The following OVCH1 variants were observed in gnomAD, a reference collection of about 807,000 sequenced individuals.
OVCH1 encodes the protein ovochymase 1, also known as ovochymase-1.
OVCH1 carries 139 observed loss-of-function variants against 138.4 expected under a neutral mutation model. That is an observed-to-expected ratio of 1.00 (90% CI 0.87 to 1.16). OVCH1 has a LOEUF of 1.16. Ranked by LOEUF, OVCH1 falls within the 50% of genes most tolerant of loss-of-function variation. OVCH1 has a pLI of 0.00. For missense variants in OVCH1, 1,367 were observed against 1,357.9 expected, an observed-to-expected ratio of 1.01 and a Z score of -0.11; for synonymous variants, 453 against 467.8, an observed-to-expected ratio of 0.97 and a Z score of 0.41.
chr12:29,462,386 T>A (rs1270431730), intron 18 of OVCH1, among the ~76,000 whole-genome samples: 1 of 151,138 alleles, frequency 6.6e-6, no homozygotes, highest in Non-Finnish European at 1.5e-5. Context: ...GGTTATATAT[T>A]TATATACATA....
chr12:29,402,396 T>G, the OVCH1 span, among the ~76,000 whole-genome samples: 130 of 152,242 alleles, frequency 8.5e-4, 1 homozygote, highest in African/African-American at 3.0e-3. Flanking sequence ...TAGTAAATAC[T>G]AGGACATTTA....
chr12:29,482,228 A>G (rs888401383), intron 8 of OVCH1, among the ~76,000 whole-genome samples: 1 of 152,168 alleles, frequency 6.6e-6, no homozygotes, highest in African/African-American at 2.4e-5. Context: ...TCTCTGGTCA[A>G]TTTGCTATTC....
intron 18 of OVCH1, among the ~76,000 whole-genome samples, chr12:29,462,493 C>T (rs542530486): frequency 2.7e-5 from 4 of 150,622 alleles, no homozygotes; most frequent in Non-Finnish European, 5.9e-5. Context: ...GAAGCCTAAT[C>T]GCATCTCCAA....
At chr12:29,454,978 G>C (rs766673134) in intron 20 of OVCH1, 45 bp from the exon 21 acceptor site, 2 of 1,494,742 alleles carry the variant, frequency 1.3e-6, no homozygotes, top group South Asian at 1.2e-5. Context: ...GAAAGCCTGA[G>C]AACAAAATAT....
intron 19 of OVCH1, among the ~76,000 whole-genome samples, chr12:29,459,714 A>T (rs1174230561): frequency 1.3e-5 from 2 of 152,162 alleles, no homozygotes; most frequent in East Asian, 3.8e-4. Flanking sequence ...TATTCCTTGT[A>T]TCCCTGTATC....
exon 5 of OVCH1, chr12:29,491,120 C>T: frequency 1.2e-6 from 2 of 1,613,716 alleles, no homozygotes; most frequent in South Asian, 1.1e-5. Flanking sequence ...GCCCCATCCA[C>T]TGGATAAGCA....
downstream of OVCH1, among the ~76,000 whole-genome samples, chr12:29,409,331 A>C (rs571783558): frequency 6.6e-6 from 1 of 151,924 alleles, no homozygotes; most frequent in East Asian, 1.9e-4. Context: ...ATTTTTAGTT[A>C]TTTCTTGCCT....
At chr12:29,409,984 G>A (rs1940932690), downstream of OVCH1, among the ~76,000 whole-genome samples, 1 of 152,128 alleles carries the variant, frequency 6.6e-6, no homozygotes, top group South Asian at 2.1e-4. Context: ...TTATGAATCT[G>A]GGTGCTCCTG....
At chr12:29,443,905 T>C (rs1411345212) in intron 24 of OVCH1, among the ~76,000 whole-genome samples, 1 of 152,118 alleles carries the variant, frequency 6.6e-6, no homozygotes, top group African/African-American at 2.4e-5. Flanking sequence ...AAGATTTGAC[T>C]TTTCACTTTG....
At chr12:29,475,673 G>T (rs889818754) in intron 13 of OVCH1, among the ~76,000 whole-genome samples, 2 of 152,080 alleles carry the variant, frequency 1.3e-5, no homozygotes, top group African/African-American at 2.4e-5. Flanking sequence ...TATAATCCTA[G>T]CCTCTAACCC....
intron 3 of OVCH1, among the ~76,000 whole-genome samples, chr12:29,418,875 TAG>T (rs1284220638): frequency 1.1e-4 from 17 of 152,220 alleles, no homozygotes; most frequent in Admixed American, 1.1e-3. Context: ...TTTTTAGAAT[TAG>T]AGATATGGTA....
chr12:29,493,690 T>A (rs1943334489), intron 4 of OVCH1, among the ~76,000 whole-genome samples: 1 of 152,220 alleles, frequency 6.6e-6, no homozygotes, highest in South Asian at 2.1e-4. Context: ...TGGCTTATTT[T>A]CAAATTTCCC....
At chr12:29,405,215 T>C in the OVCH1 span, among the ~76,000 whole-genome samples, 1 of 152,150 alleles carries the variant, frequency 6.6e-6, no homozygotes, top group Admixed American at 6.5e-5. Context: ...CTTAACAATG[T>C]ATTTATTCTT....
At chr12:29,409,094 G>A (rs1286577485), downstream of OVCH1, among the ~76,000 whole-genome samples, 24 of 152,266 alleles carry the variant, frequency 1.6e-4, no homozygotes, top group East Asian at 5.8e-4. Flanking sequence ...GTTTATTTGC[G>A]TAGAGGTGTT....
Position 29,454,834 on chromosome 12 carries a change from T to G in OVCH1, c.2530+7A>C. 3 of 1,598,160 alleles carry G rather than the reference T, an allele frequency of 1.9e-6. No homozygotes were observed. Among genetic ancestry groups the G allele is most frequent in the Non-Finnish European group, 2.6e-6 (3 of 1,166,448 alleles). ...AGTATTAATGGGATAATGTAAACAT[T>G]TATTACCTGGCCAAGATGCACTGTC... On this transcript the variant is annotated splice_region_variant and intron_variant, in intron 21 of 27. Transcript: ENST00000318184.
chr12:29,424,688 G>A (rs920174161), downstream of OVCH1, among the ~76,000 whole-genome samples: 1 of 152,002 alleles, frequency 6.6e-6, no homozygotes, highest in East Asian at 1.9e-4. Context: ...TCTGTGCCTC[G>A]ATAATCTCAT....
intron 3 of OVCH1, among the ~76,000 whole-genome samples, chr12:29,414,018 CTCTTTTTTT>C: frequency 1.0e-4 from 3 of 29,176 alleles, no homozygotes; most frequent in Non-Finnish European, 4.3e-4. Flanking sequence ...CTCTCTCTCT[CTCTTTTTTT>C]TTTTTTTTTT....
At chr12:29,449,411 A>T (rs1272982944) in intron 22 of OVCH1, among the ~76,000 whole-genome samples, 1 of 151,886 alleles carries the variant, frequency 6.6e-6, no homozygotes, top group Non-Finnish European at 1.5e-5. Flanking sequence ...AGCCGATGGT[A>T]GCTTGATGGG....
chr12:29,421,985 C>A (rs1035864507), intron 3 of OVCH1, among the ~76,000 whole-genome samples: 4 of 152,106 alleles, frequency 2.6e-5, no homozygotes, highest in Admixed American at 6.6e-5. Context: ...CAATTCTCTT[C>A]TCCTTTTAAA....
Sources: gnomAD v4.1 joint callset for allele counts (sites outside exome capture counted in the v4.1 genomes callset) on GRCh38, gnomAD v4.1.1 for gene constraint, MANE v1.5 for transcripts, NCBI Gene and HGNC (gene_info 2026-07-23, HGNC 2026-07-21) for gene names.